Variants in PRKN observed in about 807,000 individuals in gnomAD.
PRKN encodes the protein parkin RBR E3 ubiquitin protein ligase, also known as E3 ubiquitin-protein ligase parkin.
PRKN carries 56 observed loss-of-function variants against 59.5 expected under a neutral mutation model. The ratio of observed to expected loss-of-function variants is 0.94; its 90% CI spans 0.76 to 1.18. The LOEUF is 1.18. PRKN is among the 50% of genes most tolerant of loss of function. PRKN has a pLI of 0.00. For synonymous variants in PRKN, 250 were observed against 222.1 expected (o/e 1.13, Z -1.12); for missense variants, 657 against 596.4 (o/e 1.10, Z -1.06).
chr6:161,861,087 C>A (rs1257488398), intron 6 of PRKN, among the ~76,000 whole-genome samples: 1 of 152,154 alleles, frequency 6.6e-6, no homozygotes, highest in Admixed American at 6.5e-5. Flanking sequence ...TGGGTATATG[C>A]CCAAAGGATT....
chr6:161,350,019 T>C lies in PRKN; in HGVS notation c.*80A>G, dbSNP rs1361930470. 4 of 965,164 alleles carry C rather than the reference T, an allele frequency of 4.1e-6. No homozygotes were observed. In the Admixed American group the frequency reaches 7.6e-5, roughly 18 times the overall value. 59.8% of individuals were successfully genotyped at this position (965,164 alleles called of 1,614,324 possible). A position where few individuals can be genotyped will look rare whatever the true frequency, so the allele number is the denominator to read the frequency against. On this transcript the variant is annotated 3_prime_UTR_variant, in exon 12 of 12. Transcript: ENST00000366898. ...GCGCGCGCGCGTGTGTGTGTGTGTTTGAAAAGAGAATTAGAAAATGAAGGT... is the reference window on the plus strand; with the variant it reads ...GCGCGCGCGCGTGTGTGTGTGTGTTCGAAAAGAGAATTAGAAAATGAAGGT...
intron 9 of PRKN, among the ~76,000 whole-genome samples, chr6:161,455,328 C>G (rs1562460949): frequency 6.6e-6 from 1 of 152,232 alleles, no homozygotes; most frequent in East Asian, 1.9e-4. Context: ...TGAGCCACCA[C>G]GCCCGGCCTG....
intron 4 of PRKN, among the ~76,000 whole-genome samples, chr6:162,103,949 G>A (rs1298556690): frequency 2.0e-5 from 3 of 152,190 alleles, no homozygotes; most frequent in Admixed American, 2.0e-4. Flanking sequence ...GGGCCAAGAG[G>A]GCAAGTGGAG....
chr6:162,343,736 T>C (rs2128128935), intron 2 of PRKN, among the ~76,000 whole-genome samples: 1 of 152,272 alleles, frequency 6.6e-6, no homozygotes, highest in South Asian at 2.1e-4. Flanking sequence ...CTCACAAGTG[T>C]AGAAGACAGG....
chr6:162,610,443 T>C (rs918083026), intron 1 of PRKN, among the ~76,000 whole-genome samples: 41 of 152,338 alleles, frequency 2.7e-4, no homozygotes, highest in African/African-American at 7.9e-4. Context: ...TATTCCAACA[T>C]GGAAGCAACC....
chr6:161,925,412 A>C lies in PRKN; in HGVS notation c.734+47890T>G, dbSNP rs146190702. On this transcript the variant is annotated intron_variant, in intron 6 of 11. Coordinates refer to ENST00000366898, the MANE Select transcript of PRKN (RefSeq NM_004562.3). The stretch of plus-strand genomic sequence containing the variant: ...GGGTGAAATCCCGTCTCTACTAAAA[A>C]TACAAAAGATTAGCCGGGTGTGGTG... Among the ~76,000 whole-genome samples, 52 of 152,268 alleles carry C rather than the reference A, an allele frequency of 3.4e-4. No homozygotes were observed. The East Asian group carries it at 9.3e-3, about 27-fold the overall frequency.
intron 9 of PRKN, among the ~76,000 whole-genome samples, chr6:161,537,393 T>C (rs1050097582): frequency 6.6e-6 from 1 of 152,196 alleles, no homozygotes; most frequent in African/African-American, 2.4e-5. Flanking sequence ...TCAGGGCAAG[T>C]CAAAATGCAG....
chr6:162,334,879 C>T (rs531041810), intron 2 of PRKN, among the ~76,000 whole-genome samples: 18 of 152,156 alleles, frequency 1.2e-4, no homozygotes, highest in Admixed American at 2.0e-4. Context: ...CAATGACTTA[C>T]TCCTCAGTGG....
chr6:162,220,084 T>C (rs1190295931), intron 3 of PRKN, among the ~76,000 whole-genome samples: 1 of 152,058 alleles, frequency 6.6e-6, no homozygotes, highest in East Asian at 1.9e-4. Flanking sequence ...AGAATGAAAT[T>C]CAAGATGGAT....
At position 161,550,429 on chromosome 6, in the gene PRKN, T is replaced by C. The variant is rs1779960300; in HGVS notation, c.934-1426A>G. 6.6e-6 allele frequency among the ~76,000 whole-genome samples: 1 copy of C among 152,146 alleles called. No homozygotes were observed. Among genetic ancestry groups the C allele is most frequent in the African/African-American group, 2.4e-5 (1 of 41,422 alleles). On this transcript the variant is annotated intron_variant, in intron 8 of 11. Coordinates refer to ENST00000366898, the MANE Select transcript of PRKN (RefSeq NM_004562.3). This position sits in a 1 kb window ranked among gnomAD's most constrained non-coding sequence, Gnocchi z 4.0. ...CGGAATACCCTCTGGAGGGCCAGGGTGTAGGCAGGAAGCAGAGAAGCTTAT... is the reference window on the plus strand; with the variant it reads ...CGGAATACCCTCTGGAGGGCCAGGGCGTAGGCAGGAAGCAGAGAAGCTTAT...
At chr6:162,665,694 T>C (rs953365121) in intron 1 of PRKN, among the ~76,000 whole-genome samples, 1 of 152,030 alleles carries the variant, frequency 6.6e-6, no homozygotes, top group Non-Finnish European at 1.5e-5. Context: ...TTTTAAATTA[T>C]GGAATCAAAG....
intron 7 of PRKN, among the ~76,000 whole-genome samples, chr6:161,614,463 G>T (rs1391531389): frequency 6.6e-6 from 1 of 152,142 alleles, no homozygotes; most frequent in Non-Finnish European, 1.5e-5. Context: ...CTTTTAGCAT[G>T]CCTTGCATTA....
rs184092211 is a variant in PRKN at position 161,529,877 on chromosome 6, C to A, written c.1083+18977G>T. ...TGATGAAGAAAAATACCACTTGACA[C>A]AAATTAATGTCAATCCTTGAGGGAC... On this transcript the variant is annotated intron_variant, in intron 9 of 11. Coordinates refer to ENST00000366898, the MANE Select transcript of PRKN (RefSeq NM_004562.3). The surrounding 1 kb of genome is among the most constrained non-coding windows in gnomAD (Gnocchi z 4.4). Among the ~76,000 whole-genome samples, 1 of 152,268 alleles carries A rather than the reference C, an allele frequency of 6.6e-6. No individual in the cohort carries two copies. Among genetic ancestry groups the A allele is most frequent in the Admixed American group, 6.5e-5 (1 of 15,304 alleles).
chr6:161,600,053 T>C (rs916364023), intron 7 of PRKN, among the ~76,000 whole-genome samples: 1 of 152,208 alleles, frequency 6.6e-6, no homozygotes, highest in African/African-American at 2.4e-5. Context: ...ATTCAATTAA[T>C]GATATAATTT....
chr6:161,539,845 C>A (rs1356092103), intron 9 of PRKN, among the ~76,000 whole-genome samples: 1 of 152,176 alleles, frequency 6.6e-6, no homozygotes, highest in African/African-American at 2.4e-5. Context: ...GTCTTTACTT[C>A]ATTCTGTGTA....
chr6:161,997,576 A>G (rs7765446), intron 5 of PRKN, among the ~76,000 whole-genome samples: 11,989 of 152,162 alleles, frequency 0.079, 537 homozygotes, highest in Middle Eastern at 0.11. Flanking sequence ...GCTGTTACTC[A>G]TATTACACTT....
chr6:162,287,033 AT>A (rs1781222266), intron 2 of PRKN, among the ~76,000 whole-genome samples: 1 of 152,216 alleles, frequency 6.6e-6, no homozygotes, highest in Non-Finnish European at 1.5e-5. Context: ...AAAGGGTAGA[AT>A]TTGGAAGCAC....
At chr6:162,051,532 G>A (rs971757552) in intron 5 of PRKN, among the ~76,000 whole-genome samples, 5 of 152,178 alleles carry the variant, frequency 3.3e-5, no homozygotes, top group Non-Finnish European at 5.9e-5. Flanking sequence ...TCCTGCCTGA[G>A]AGGCGAGCAG....
intron 2 of PRKN, among the ~76,000 whole-genome samples, chr6:162,346,928 TA>T (rs1278434446): frequency 1.1e-4 from 17 of 152,068 alleles, no homozygotes; most frequent in African/African-American, 3.9e-4. Flanking sequence ...TTTGCTTTCC[TA>T]GTATTTGTAG....
Sources: allele counts gnomAD v4.1 joint callset (sites outside exome capture counted in the v4.1 genomes callset), GRCh38; gene constraint gnomAD v4.1.1; non-coding constraint Gnocchi (gnomAD v3.1); transcripts MANE v1.5; gene names NCBI Gene and HGNC (gene_info 2026-07-23, HGNC 2026-07-21).